AMPH: variants seen among roughly 807,000 people sequenced by gnomAD.
The protein encoded by AMPH is amphiphysin, also known as amphiphysin (Stiff-Mann syndrome with breast cancer 128kD autoantigen).
A neutral mutation model predicts 99.1 loss-of-function variants in AMPH; 49 were observed. That is an observed-to-expected ratio of 0.49 (90% CI 0.39 to 0.63). The LOEUF is 0.63. Among genes scored for constraint, AMPH ranks in the 20% least tolerant of loss-of-function variants. The pLI, the probability that AMPH is intolerant of heterozygous loss-of-function variation, is 0.00. For synonymous variants in AMPH, 314 were observed against 317.3 expected (o/e 0.99, Z 0.11); for missense variants, 759 against 863.4 (o/e 0.88, Z 1.52).
intron 17 of AMPH, among the ~76,000 whole-genome samples, chr7:38,405,308 T>C (rs372705911): frequency 2.0e-5 from 3 of 152,306 alleles, no homozygotes; most frequent in East Asian, 1.9e-4. Flanking sequence ...ACTGAGATTA[T>C]AATGCAACTA....
At position 38,466,161 on chromosome 7, in the gene AMPH, G is replaced by A. The variant is rs373616058; in HGVS notation, c.666+12C>T. 55 of 1,597,694 alleles carry A rather than the reference G, an allele frequency of 3.4e-5. No homozygotes were observed. Among genetic ancestry groups the A allele is most frequent in the African/African-American group, 1.2e-4 (9 of 73,666 alleles). On this transcript the variant is annotated intron_variant, in intron 8 of 20. Coordinates refer to ENST00000356264, the MANE Select transcript of AMPH (RefSeq NM_001635.4). ...TTATATTCCATATGCAAAAATTATC[G>A]TCATGACTCACCACCGCAATTTCCT...
Position 38,569,000 on chromosome 7 carries a change from G to A in AMPH, c.70-33989C>T, listed in dbSNP as rs924883672. Among the ~76,000 whole-genome samples the A allele has an allele frequency of 2.6e-5, 4 of 152,098 alleles. No individual in the cohort carries two copies. The East Asian group carries it at 7.7e-4, about 29-fold the overall frequency. On this transcript the variant is annotated intron_variant, in intron 1 of 20. Transcript: ENST00000356264. The stretch of plus-strand genomic sequence containing the variant: ...TAGAGAGGCACAAGGTAACATCTGG[G>A]TCAGAATGAGACTCAGAAACCAGGT...
At chr7:38,622,781 T>C (rs149433846) in intron 1 of AMPH, among the ~76,000 whole-genome samples, 9 of 152,254 alleles carry the variant, frequency 5.9e-5, no homozygotes, top group African/African-American at 2.2e-4. Flanking sequence ...GAATGGCTTG[T>C]ATAATTTGGG....
chr7:38,438,872 G>A (rs1786393530), intron 11 of AMPH, among the ~76,000 whole-genome samples: 1 of 152,174 alleles, frequency 6.6e-6, no homozygotes, highest in Non-Finnish European at 1.5e-5. Context: ...AAATGGAAAT[G>A]GAAGCTAATG....
intron 2 of AMPH, among the ~76,000 whole-genome samples, chr7:38,527,414 T>C (rs1790228602): frequency 6.6e-6 from 1 of 152,236 alleles, no homozygotes; most frequent in Non-Finnish European, 1.5e-5. Context: ...TATTTAGTTC[T>C]TTTTGATTTC....
intron 11 of AMPH, among the ~76,000 whole-genome samples, chr7:38,455,649 C>T (rs966708262): frequency 1.3e-5 from 2 of 152,172 alleles, no homozygotes; most frequent in Non-Finnish European, 2.9e-5. Flanking sequence ...CCACCACCAT[C>T]TTTTTACAAC....
At chr7:38,523,419 A>G (rs1790048980) in intron 2 of AMPH, among the ~76,000 whole-genome samples, 1 of 152,206 alleles carries the variant, frequency 6.6e-6, no homozygotes, top group Admixed American at 6.5e-5. Flanking sequence ...TTGGCAAGGG[A>G]AAGCACAACA....
intron 1 of AMPH, among the ~76,000 whole-genome samples, chr7:38,592,961 C>T (rs2129058648): frequency 6.6e-6 from 1 of 152,326 alleles, no homozygotes; most frequent in African/African-American, 2.4e-5. Context: ...TGTACTGACA[C>T]ACCTCCTCTT....
chr7:38,534,847 A>T, intron 2 of AMPH, 84 bp downstream of exon 2: 6 of 1,181,742 alleles, frequency 5.1e-6, no homozygotes, highest in Admixed American at 2.0e-5. Flanking sequence ...GTCTTTTTTT[A>T]ATCTTAATGC....
intron 8 of AMPH, 102 bp downstream of exon 8, chr7:38,466,071 A>T (rs1268636341): frequency 4.3e-6 from 4 of 927,904 alleles, no homozygotes; most frequent in Non-Finnish European, 6.7e-6. Context: ...AAACATACAA[A>T]AGGGTGAATT....
At chr7:38,432,515 A>G (rs1786071909) in intron 12 of AMPH, among the ~76,000 whole-genome samples, 1 of 152,124 alleles carries the variant, frequency 6.6e-6, no homozygotes, top group African/African-American at 2.4e-5. Context: ...TGGATAGCAC[A>G]GGTCTAATCA....
chr7:38,605,150 C>T (rs1236170600), intron 1 of AMPH, among the ~76,000 whole-genome samples: 3 of 151,996 alleles, frequency 2.0e-5, no homozygotes, highest in Non-Finnish European at 4.4e-5. Flanking sequence ...AGAGGATAAA[C>T]TGTTATGCAG....
chr7:38,615,730 G>A (rs1793850954), intron 1 of AMPH, among the ~76,000 whole-genome samples: 1 of 152,142 alleles, frequency 6.6e-6, no homozygotes. Context: ...TCCTGTAGCT[G>A]CACAGTGTAG....
chr7:38,385,085 C>A (rs1784315225), intron 20 of AMPH, among the ~76,000 whole-genome samples, 160 bp from the exon 21 acceptor site: 1 of 149,984 alleles, frequency 6.7e-6, no homozygotes. Flanking sequence ...AGGCCTATCC[C>A]AAATAAGTTG....
At chr7:38,529,589 T>A (rs1790318110) in intron 2 of AMPH, among the ~76,000 whole-genome samples, 2 of 152,242 alleles carry the variant, frequency 1.3e-5, no homozygotes, top group Admixed American at 1.3e-4. Flanking sequence ...TAGGTTCTTA[T>A]TCAGAATCCA....
intron 5 of AMPH, among the ~76,000 whole-genome samples, chr7:38,487,355 C>A (rs976954221): frequency 6.6e-6 from 1 of 152,064 alleles, no homozygotes. Flanking sequence ...ACAGAGGCCT[C>A]AGAAATAATG....
chr7:38,394,691 C>T (rs1254860199), intron 17 of AMPH, among the ~76,000 whole-genome samples: 1 of 152,148 alleles, frequency 6.6e-6, no homozygotes, highest in African/African-American at 2.4e-5. Flanking sequence ...AAACACAGGG[C>T]TGTAATTTCA....
chr7:38,552,459 G>A (rs1027699918), intron 1 of AMPH, among the ~76,000 whole-genome samples: 2 of 152,136 alleles, frequency 1.3e-5, no homozygotes, highest in Non-Finnish European at 2.9e-5. Context: ...ACAACACCCA[G>A]AAGTAAGCAA....
chr7:38,536,166 A>G (rs1430019773), intron 1 of AMPH, among the ~76,000 whole-genome samples: 3 of 152,232 alleles, frequency 2.0e-5, no homozygotes, highest in South Asian at 2.1e-4. Flanking sequence ...CAAATCAAGG[A>G]TAAGTTAAAG....
Sources: gnomAD v4.1 joint callset for allele counts (sites outside exome capture counted in the v4.1 genomes callset) on GRCh38, gnomAD v4.1.1 for gene constraint, MANE v1.5 for transcripts, NCBI Gene and HGNC (gene_info 2026-07-23, HGNC 2026-07-21) for gene names.